SAP18: variants seen among roughly 807,000 people sequenced by gnomAD.
SAP18 encodes Sin3A associated protein 18.
Under a neutral mutation model 18.6 loss-of-function variants are expected in SAP18, and 4 were observed. That is an observed-to-expected ratio of 0.21 (90% CI 0.11 to 0.49). The LOEUF is 0.49. Among genes scored for constraint, SAP18 ranks in the 20% least tolerant of loss-of-function variants. The pLI, the probability that SAP18 is intolerant of heterozygous loss-of-function variation, is 0.98. For missense variants in SAP18, 170 were observed against 226.4 expected (o/e 0.75, Z 1.60); for synonymous variants, 112 against 82.8 (o/e 1.35, Z -1.92).
intron 3 of SAP18, 30 bp from the exon 4 acceptor site, chr13:21,147,156 T>TCC (rs1869678325): frequency 6.3e-7 from 1 of 1,596,036 alleles, no homozygotes; most frequent in Non-Finnish European, 8.5e-7. Context: ...TTGATTTGGA[T>TCC]CCATTAACAG....
chr13:21,146,176 G>A (rs1351877228), intron 2 of SAP18, among the ~76,000 whole-genome samples: 1 of 152,134 alleles, frequency 6.6e-6, no homozygotes, highest in Non-Finnish European at 1.5e-5. Flanking sequence ...GTGAAACCCT[G>A]TCTCTACTAA....
intron 1 of SAP18, 49 bp from the exon 2 acceptor site, chr13:21,140,837 C>A (rs753229369): frequency 6.3e-7 from 1 of 1,579,390 alleles, no homozygotes; most frequent in East Asian, 2.2e-5. Context: ...GCTCCGGGTT[C>A]GCAGCTGGTG....
At chr13:21,149,016 G>T (rs966879128) in exon 4 of SAP18, 3 of 152,114 alleles carry the variant, frequency 2.0e-5, no homozygotes, top group Non-Finnish European at 4.4e-5. Flanking sequence ...GGTAAGTGTG[G>T]CTTTGAGTAA....
chr13:21,142,952 A>G (rs1869521140), intron 2 of SAP18, among the ~76,000 whole-genome samples: 1 of 152,114 alleles, frequency 6.6e-6, no homozygotes, highest in Non-Finnish European at 1.5e-5. Context: ...CTGTCCATAT[A>G]TGAATTTGCC....
intron 2 of SAP18, 74 bp downstream of exon 2, chr13:21,141,069 A>G (rs1869449605): frequency 1.1e-6 from 1 of 923,062 alleles, no homozygotes; most frequent in Non-Finnish European, 1.8e-6. Flanking sequence ...TTGCCAGTGT[A>G]GAGTTATTCT....
chr13:21,140,579 G>C (rs758288241), exon 1 of SAP18: 9 of 1,605,690 alleles, frequency 5.6e-6, no homozygotes, highest in South Asian at 1.1e-5. Flanking sequence ...TCGGAGGTCA[G>C]GGCGAGCGTC....
exon 1 of SAP18, chr13:21,140,570 C>G (rs368287644): frequency 1.9e-6 from 3 of 1,601,178 alleles, no homozygotes; most frequent in African/African-American, 1.3e-5. Flanking sequence ...CTGCAGGGGT[C>G]GGAGGTCAGG....
rs981316221 is a variant in SAP18 at position 21,140,731 on chromosome 13, C to A, written c.129+50C>A. 7 of 1,598,738 alleles carry A rather than the reference C, an allele frequency of 4.4e-6. No homozygotes were observed. The African/African-American group carries it at 6.7e-5, about 15-fold the overall frequency. The stretch of plus-strand genomic sequence containing the variant: ...TCCGGGAAGAGGTTGGGGATGAGTC[C>A]CGCAGGGTGCAGAGGCGCGGCCTGT... On this transcript the variant is annotated intron_variant, in intron 1 of 3. Transcript: ENST00000621421.
chr13:21,144,203 G>C (rs555409052), intron 2 of SAP18, among the ~76,000 whole-genome samples: 1 of 152,136 alleles, frequency 6.6e-6, no homozygotes, highest in South Asian at 2.1e-4. Context: ...TCAGGAGTTG[G>C]AGACCAGCCT....
chr13:21,140,604 A>G (rs750433806), exon 1 of SAP18: 4 of 1,611,710 alleles, frequency 2.5e-6, no homozygotes, highest in East Asian at 2.2e-5. Flanking sequence ...AGGCCGTAGG[A>G]GGAAGATGGC....
chr13:21,140,801 C>A, intron 1 of SAP18, 85 bp from the exon 2 acceptor site: 1 of 1,573,166 alleles, frequency 6.4e-7, no homozygotes, highest in Non-Finnish European at 8.7e-7. Flanking sequence ...GGCTCGGAGG[C>A]CGCAACGCCT....
exon 4 of SAP18, chr13:21,147,871 CAT>C (rs1450565999): frequency 2.6e-5 from 4 of 152,436 alleles, no homozygotes; most frequent in Admixed American, 1.3e-4. Flanking sequence ...GGTACCATGA[CAT>C]AAAAGGTTAA....
At chr13:21,145,966 C>CT (rs1869635567) in intron 2 of SAP18, among the ~76,000 whole-genome samples, 1 of 152,226 alleles carries the variant, frequency 6.6e-6, no homozygotes, top group Non-Finnish European at 1.5e-5. Context: ...AGAGCCTGTG[C>CT]TTCATTGTAA....
chr13:21,144,378 C>G (rs1325919484), intron 2 of SAP18, among the ~76,000 whole-genome samples: 1 of 143,618 alleles, frequency 7.0e-6, no homozygotes, highest in Non-Finnish European at 1.5e-5. Flanking sequence ...TGCACTCCAG[C>G]CCGGGCGACA....
chr13:21,144,405 CAAAAAAAAAAA>C (rs36115551), intron 2 of SAP18, among the ~76,000 whole-genome samples: 10 of 64,636 alleles, frequency 1.5e-4, no homozygotes, highest in Admixed American at 2.2e-4. Flanking sequence ...GACTCCATCT[CAAAAAAAAAAA>C]AAAAAAAAAA....
intron 2 of SAP18, among the ~76,000 whole-genome samples, chr13:21,142,323 C>T (rs1174663494): frequency 6.6e-6 from 1 of 150,856 alleles, no homozygotes; most frequent in East Asian, 2.0e-4. Flanking sequence ...ACAAAATTTG[C>T]CGTGTTAACC....
upstream of SAP18, chr13:21,140,512 T>C: frequency 6.4e-7 from 1 of 1,550,704 alleles, no homozygotes; most frequent in Non-Finnish European, 8.7e-7. Flanking sequence ...CCTGGCCGAC[T>C]ATAAAGTGTC....
rs747038252 is a variant in SAP18 at position 21,140,639 on chromosome 13, G to C, written c.87G>C (p.Glu29Asp). 1 of 1,612,986 alleles carries C rather than the reference G, an allele frequency of 6.2e-7. No individual in the cohort carries two copies. ...CGGTGGAGTCGCGCGTTACCCAGGA[G>C]GAAATTAAGAAGGAGCCAGAGAAAC... Residue 29 changes from glutamate to aspartate, a missense_variant, in exon 1 of 4, where the codon GAG becomes GAC. Transcript: ENST00000621421.
chr13:21,142,325 G>A lies in SAP18; in HGVS notation c.239+1330G>A, dbSNP rs192275910. The stretch of plus-strand genomic sequence containing the variant: ...GTGTGCCTATATAACAAAATTTGCC[G>A]TGTTAACCATTTATTTTTATTTTTT... On this transcript the variant is annotated intron_variant, in intron 2 of 3. Transcript: ENST00000621421. Among the ~76,000 whole-genome samples, 402 of 150,862 alleles carry A rather than the reference G, an allele frequency of 2.7e-3. 3 individuals carry two copies. Among genetic ancestry groups the A allele is most frequent in the South Asian group, 0.015 (73 of 4,716 alleles).
Sources: allele counts gnomAD v4.1 joint callset (sites outside exome capture counted in the v4.1 genomes callset), GRCh38; gene constraint gnomAD v4.1.1; transcripts MANE v1.5; gene names NCBI Gene and HGNC (gene_info 2026-07-23, HGNC 2026-07-21).